The following FGF7 variants were observed in gnomAD, a reference collection of about 807,000 sequenced individuals.
FGF7 encodes the protein FGF-7.
A neutral mutation model predicts 20.5 loss-of-function variants in FGF7; 6 were observed. That is an observed-to-expected ratio of 0.29 (90% CI 0.16 to 0.58). The LOEUF (loss-of-function observed/expected upper bound fraction) is 0.58. FGF7 is among the 20% of genes least tolerant of loss of function. FGF7 has a pLI of 0.90. For synonymous variants in FGF7, 64 were observed against 74.7 expected (o/e 0.86, Z 0.74); for missense variants, 144 against 228.8 (o/e 0.63, Z 2.39).
intron 2 of FGF7, among the ~76,000 whole-genome samples, chr15:49,432,214 G>GT: frequency 6.6e-6 from 1 of 151,710 alleles, no homozygotes; most frequent in East Asian, 1.9e-4. Context: ...TAAGAAAATA[G>GT]TTTGAGACCA....
At position 49,470,958 on chromosome 15, in the gene FGF7, T is replaced by G. The variant is rs147941940; in HGVS notation, c.287-12193T>G. ...ACTACTGCAGCCCACCTGGAACATA[T>G]TTGTTGTGTTTGTTCCACATCTTGT... On this transcript the variant is annotated intron_variant, in intron 2 of 3. Transcript: ENST00000267843. Among the ~76,000 whole-genome samples, 678 of 152,338 alleles carry G rather than the reference T, an allele frequency of 4.5e-3. 10 individuals carry two copies. The highest frequency in any genetic ancestry group is 0.016 in the African/African-American group (647 of 41,580).
intron 2 of FGF7, among the ~76,000 whole-genome samples, chr15:49,470,376 A>C (rs184429065): frequency 1.3e-5 from 2 of 152,278 alleles, no homozygotes; most frequent in Admixed American, 6.5e-5. Context: ...CCAATAAGCA[A>C]TTCTGTTGAT....
In FGF7 at chr15:49,441,225, T is replaced by G. The variant is rs563547566; in HGVS notation, c.286+16642T>G. ...AGGCCTCACCAAACAATACTGCCAA[T>G]GTTGCCTGGGTGCCCACAACTTAGA... On this transcript the variant is annotated intron_variant, in intron 2 of 3. Coordinates refer to ENST00000267843, the MANE Select transcript of FGF7 (RefSeq NM_002009.4). 2.7e-4 allele frequency among the ~76,000 whole-genome samples: 41 copies of G among 151,792 alleles called. No homozygotes were observed. The South Asian group carries it at 8.3e-3, about 31-fold the overall frequency.
At chr15:49,443,583 A>T (rs1202733407) in intron 2 of FGF7, among the ~76,000 whole-genome samples, 1 of 151,788 alleles carries the variant, frequency 6.6e-6, no homozygotes, top group African/African-American at 2.4e-5. Context: ...CAAAAATGAG[A>T]AAATAGTTTT....
chr15:49,432,113 A>C (rs569630277), intron 2 of FGF7, among the ~76,000 whole-genome samples: 1 of 151,842 alleles, frequency 6.6e-6, no homozygotes, highest in East Asian at 1.9e-4. Flanking sequence ...ACATGTTTCA[A>C]TATCCTCAAA....
intron 2 of FGF7, among the ~76,000 whole-genome samples, chr15:49,461,753 G>T (rs1025105253): frequency 5.3e-5 from 8 of 152,212 alleles, no homozygotes; most frequent in Non-Finnish European, 7.3e-5. Context: ...GAGATACCAT[G>T]TGAAATTCAA....
chr15:49,447,636 G>C (rs1429851419), intron 2 of FGF7, among the ~76,000 whole-genome samples: 1 of 151,670 alleles, frequency 6.6e-6, no homozygotes, highest in East Asian at 1.9e-4. Context: ...TATGCAAATT[G>C]ATAGATTTCA....
intron 2 of FGF7, among the ~76,000 whole-genome samples, chr15:49,480,609 GT>G (rs1166176423): frequency 1.3e-5 from 2 of 151,502 alleles, no homozygotes; most frequent in Non-Finnish European, 2.9e-5. Flanking sequence ...AGCCTCCTGA[GT>G]AGCTGGGATT....
At chr15:49,466,591 G>A (rs2054288068) in intron 2 of FGF7, among the ~76,000 whole-genome samples, 1 of 152,050 alleles carries the variant, frequency 6.6e-6, no homozygotes, top group Non-Finnish European at 1.5e-5. Context: ...TATATCTTAT[G>A]AATACATAAA....
At chr15:49,469,949 A>T (rs1394149046) in intron 2 of FGF7, among the ~76,000 whole-genome samples, 1 of 152,198 alleles carries the variant, frequency 6.6e-6, no homozygotes, top group Non-Finnish European at 1.5e-5. Flanking sequence ...TCACCTTCAC[A>T]GTACAATTAA....
chr15:49,460,631 A>G (rs1050414653), intron 2 of FGF7, among the ~76,000 whole-genome samples: 13 of 152,220 alleles, frequency 8.5e-5, no homozygotes, highest in African/African-American at 3.1e-4. Flanking sequence ...CAGAAAACAA[A>G]TATTTTAACC....
intron 2 of FGF7, among the ~76,000 whole-genome samples, chr15:49,436,539 A>T (rs2051122323): frequency 6.6e-6 from 1 of 151,604 alleles, no homozygotes; most frequent in Non-Finnish European, 1.5e-5. Flanking sequence ...CTACAACAAA[A>T]ATTAAATGTG....
At chr15:49,433,325 A>G (rs2050783817) in intron 2 of FGF7, among the ~76,000 whole-genome samples, 2 of 151,586 alleles carry the variant, frequency 1.3e-5, no homozygotes, top group Admixed American at 6.6e-5. Context: ...TAAGTACCAT[A>G]TCTTACTTTT....
At chr15:49,451,043 TAAATGACAGTTTAATTCAATCA>T (rs2052681124) in intron 2 of FGF7, among the ~76,000 whole-genome samples, 1 of 152,122 alleles carries the variant, frequency 6.6e-6, no homozygotes, top group South Asian at 2.1e-4. Flanking sequence ...GGTTTTTTTT[TAAATGACAGTTTAATTCAATCA>T]AAATTTTAAG....
chr15:49,444,118 G>C (rs566643117), intron 2 of FGF7, among the ~76,000 whole-genome samples: 1 of 151,592 alleles, frequency 6.6e-6, no homozygotes, highest in Non-Finnish European at 1.5e-5. Flanking sequence ...AGCAATGCTG[G>C]GGTAGGCAGT....
intron 2 of FGF7, among the ~76,000 whole-genome samples, chr15:49,449,596 C>T (rs1282842759): frequency 1.3e-5 from 2 of 152,002 alleles, no homozygotes; most frequent in Non-Finnish European, 2.9e-5. Context: ...TCTATTAAGG[C>T]AGCCAAGGTT....
chr15:49,476,487 C>G (rs983200438), intron 2 of FGF7, among the ~76,000 whole-genome samples: 1 of 151,808 alleles, frequency 6.6e-6, no homozygotes, highest in Non-Finnish European at 1.5e-5. Context: ...CTACAATTTC[C>G]AAAGTGTGTT....
chr15:49,433,185 A>G (rs2050767872), intron 2 of FGF7, among the ~76,000 whole-genome samples: 1 of 151,610 alleles, frequency 6.6e-6, no homozygotes, highest in Non-Finnish European at 1.5e-5. Context: ...TTCAATACAG[A>G]GCCAGTAATG....
intron 2 of FGF7, among the ~76,000 whole-genome samples, chr15:49,444,312 T>C (rs2051971212): frequency 6.6e-6 from 1 of 151,724 alleles, no homozygotes; most frequent in Admixed American, 6.6e-5. Context: ...CATTTTAACA[T>C]TTCAGTAAAA....
Sources: gnomAD v4.1 joint callset for allele counts (sites outside exome capture counted in the v4.1 genomes callset) on GRCh38, gnomAD v4.1.1 for gene constraint, MANE v1.5 for transcripts, NCBI Gene and HGNC (gene_info 2026-07-23, HGNC 2026-07-21) for gene names.